Variants in FREM1 observed in about 807,000 individuals in gnomAD.
FREM1 encodes the protein FRAS1 related extracellular matrix 1.
Under a neutral mutation model 210.1 loss-of-function variants are expected in FREM1, and 220 were observed. That is an observed-to-expected ratio of 1.05 (90% CI 0.94 to 1.17). The LOEUF is 1.17. Among genes scored for constraint, FREM1 ranks in the 50% most tolerant of loss-of-function variants. FREM1 has a pLI of 0.00. For synonymous variants in FREM1, 1,189 were observed against 980.2 expected, an observed-to-expected ratio of 1.21 and a Z score of -3.98; for missense variants, 3,454 against 2,675.5, an observed-to-expected ratio of 1.29 and a Z score of -6.42.
At chr9:14,760,171 G>A (rs965025547) in intron 27 of FREM1, among the ~76,000 whole-genome samples, 18 of 152,220 alleles carry the variant, frequency 1.2e-4, no homozygotes, top group African/African-American at 4.3e-4. Context: ...GCTGCTGAAT[G>A]TCTCCCAGAT....
chr9:14,861,059 A>G (rs1464870352), intron 3 of FREM1, among the ~76,000 whole-genome samples: 1 of 74,542 alleles, frequency 1.3e-5, no homozygotes, highest in Admixed American at 1.5e-4. Flanking sequence ...ATATACATAT[A>G]TACACATATA....
chr9:14,861,044 T>TACAC (rs1283450997), intron 3 of FREM1, among the ~76,000 whole-genome samples: 1 of 66,462 alleles, frequency 1.5e-5, no homozygotes, highest in East Asian at 1.2e-3. Flanking sequence ...TATACATATA[T>TACAC]ACATATATAC....
At position 14,891,007 on chromosome 9, in the gene FREM1, A is replaced by C. The variant is rs1277593883; in HGVS notation, c.-268+18907T>G. Among the ~76,000 whole-genome samples the C allele has an allele frequency of 2.0e-5, 3 of 152,170 alleles. No individual in the cohort carries two copies. The East Asian group carries it at 5.8e-4, about 29-fold the overall frequency. On this transcript the variant is annotated intron_variant, in intron 1 of 36. Transcript: ENST00000380880. ...AGAGTGAAAAACACTCACATTCATC[A>C]TGGTGTGCCCCATTCTTCATCAGGG...
intron 22 of FREM1, chr9:14,791,219 C>T (rs1431875184): frequency 6.6e-6 from 1 of 152,172 alleles, no homozygotes; most frequent in Non-Finnish European, 1.5e-5. Flanking sequence ...GGGCATCATG[C>T]ACACAGTCTG....
chr9:14,794,188 T>G (rs568069683), intron 21 of FREM1, among the ~76,000 whole-genome samples: 101 of 152,180 alleles, frequency 6.6e-4, no homozygotes, highest in African/African-American at 2.4e-3. Flanking sequence ...GGTAATTTAT[T>G]TGTGAAGTGA....
intron 1 of FREM1, among the ~76,000 whole-genome samples, chr9:14,883,703 C>T (rs1051900239): frequency 6.6e-6 from 1 of 152,192 alleles, no homozygotes; most frequent in East Asian, 1.9e-4. Context: ...CCAGTGACAG[C>T]CAACTTCTAC....
intron 29 of FREM1, 59 bp downstream of exon 29, chr9:14,756,315 G>T: frequency 8.5e-7 from 1 of 1,169,878 alleles, no homozygotes; most frequent in Non-Finnish European, 1.2e-6. Flanking sequence ...CTCCAGACAT[G>T]CCTACAAAAA....
At chr9:14,746,852 G>A (rs919419142) in intron 34 of FREM1, 71 bp downstream of exon 34, 2 of 1,516,218 alleles carry the variant, frequency 1.3e-6, no homozygotes, top group Admixed American at 2.1e-5. Context: ...GCACCAGATG[G>A]TTCCCCTCTA....
chr9:14,859,073 A>C, intron 4 of FREM1, 110 bp downstream of exon 4: 1 of 860,390 alleles, frequency 1.2e-6, no homozygotes, highest in South Asian at 2.2e-5. Flanking sequence ...CTGTTCAGCC[A>C]GCTAAAATGA....
At chr9:14,881,427 T>C (rs1416557428) in intron 1 of FREM1, among the ~76,000 whole-genome samples, 2 of 152,236 alleles carry the variant, frequency 1.3e-5, no homozygotes, top group African/African-American at 4.8e-5. Context: ...TTGGAGGCTT[T>C]GCCATATTTT....
At chr9:14,800,451 G>C (rs1337397562) in intron 20 of FREM1, among the ~76,000 whole-genome samples, 1 of 152,134 alleles carries the variant, frequency 6.6e-6, no homozygotes, top group African/African-American at 2.4e-5. Context: ...TTTTAAAAGA[G>C]TAATTAAAAA....
intron 16 of FREM1, 93 bp from the exon 17 acceptor site, chr9:14,808,227 C>G: frequency 1.2e-5 from 9 of 752,456 alleles, no homozygotes; most frequent in African/African-American, 1.8e-5. Flanking sequence ...AGCATTGAAA[C>G]AGCAAGGAAA....
intron 3 of FREM1, among the ~76,000 whole-genome samples, chr9:14,862,245 G>C (rs181787956): frequency 6.6e-6 from 1 of 152,128 alleles, no homozygotes; most frequent in East Asian, 1.9e-4. Flanking sequence ...TATGCTCAAC[G>C]TACAGCCTGG....
chr9:14,823,469 T>C, intron 12 of FREM1, 142 bp from the exon 13 acceptor site: 1 of 720,390 alleles, frequency 1.4e-6, no homozygotes, highest in East Asian at 2.6e-5. Flanking sequence ...CCAAAAGCTC[T>C]ATTTTTACTT....
At chr9:14,877,447 T>TTTTTTTTTTTTTTTTTTTTTTTTTTTTG (rs1400617685) in intron 1 of FREM1, among the ~76,000 whole-genome samples, 1 of 151,036 alleles carries the variant, frequency 6.6e-6, no homozygotes, top group African/African-American at 2.4e-5. Context: ...GTTGTTTCTT[T>TTTTTTTTTTTTTTTTTTTTTTTTTTTTG]ATGGTAGACA....
At chr9:14,776,357 C>G in intron 24 of FREM1, 154 bp from the exon 25 acceptor site, 1 of 774,534 alleles carries the variant, frequency 1.3e-6, no homozygotes, top group Non-Finnish European at 1.9e-6. Flanking sequence ...AAATCCCTAT[C>G]ATTAAACCAG....
At chr9:14,888,383 C>A (rs966501126) in intron 1 of FREM1, among the ~76,000 whole-genome samples, 1 of 152,210 alleles carries the variant, frequency 6.6e-6, no homozygotes, top group Non-Finnish European at 1.5e-5. Flanking sequence ...TCTTTGCAAT[C>A]ACTTCACTAG....
At chr9:14,789,710 G>A (rs1289610335) in intron 22 of FREM1, among the ~76,000 whole-genome samples, 8 of 152,132 alleles carry the variant, frequency 5.3e-5, no homozygotes, top group Non-Finnish European at 1.2e-4. Flanking sequence ...TGCAAATATC[G>A]TATATTGTTT....
intron 1 of FREM1, among the ~76,000 whole-genome samples, chr9:14,888,521 C>CTGCTTT (rs2132318613): frequency 6.6e-6 from 1 of 152,302 alleles, no homozygotes; most frequent in South Asian, 2.1e-4. Context: ...GAAGTAGCTG[C>CTGCTTT]TGCTTTAAGA....
Sources: gnomAD v4.1 joint callset for allele counts (sites outside exome capture counted in the v4.1 genomes callset) on GRCh38, gnomAD v4.1.1 for gene constraint, MANE v1.5 for transcripts, NCBI Gene and HGNC (gene_info 2026-07-23, HGNC 2026-07-21) for gene names.